The following PDAP1 variants were observed in gnomAD, a reference collection of about 807,000 sequenced individuals.
PDAP1 encodes PDGFA associated protein 1, also known as 28 kDa heat- and acid-stable phosphoprotein.
A neutral mutation model predicts 28.0 loss-of-function variants in PDAP1; 13 were observed. That is an observed-to-expected ratio of 0.46 (90% CI 0.30 to 0.74). The LOEUF is 0.74. Ranked by LOEUF, PDAP1 falls within the 30% of genes least tolerant of loss-of-function variation. The pLI is 0.07. For synonymous variants in PDAP1, 77 were observed against 85.1 expected, an observed-to-expected ratio of 0.91 and a Z score of 0.52; for missense variants, 150 against 230.0, an observed-to-expected ratio of 0.65 and a Z score of 2.25.
intron 1 of PDAP1, among the ~76,000 whole-genome samples, chr7:99,407,493 G>T (rs1384490572): frequency 6.6e-6 from 1 of 152,202 alleles, no homozygotes. Flanking sequence ...GAGTCAGGAA[G>T]CGATTTAGGT....
chr7:99,394,779 TAAAAAA>T lies in PDAP1; in HGVS notation c.*1897_*1902del, dbSNP rs773085531. 1.3e-4 allele frequency: 120 copies of T among 957,978 alleles called. No individual in the cohort carries two copies. The highest frequency in any genetic ancestry group is 1.8e-4 in the East Asian group (3 of 16,540). The allele number at this position is 957,978 out of a possible 1,614,324, so 59.3% of individuals were successfully genotyped here. On this transcript the variant is annotated 3_prime_UTR_variant, in exon 6 of 6. Transcript: ENST00000350498. ...GTGGAGGTAATAAAATGCAACTGTG[TAAAAAA>T]AAAAAAAAAAAAAAAAGTAATTATG...
rs772565215 is a variant in PDAP1, at chr7:99,395,611, T to C, written c.*1071A>G. ...TCTTTTGTGGCTTCTCTCAGGAAAA[T>C]GTGGGCCTTGGCGACATCCAATGCT... On this transcript the variant is annotated 3_prime_UTR_variant, in exon 6 of 6. Coordinates refer to ENST00000350498, the MANE Select transcript of PDAP1 (RefSeq NM_014891.7). 4.6e-5 allele frequency: 7 copies of C among 152,294 alleles called. No individual in the cohort carries two copies. The highest frequency in any genetic ancestry group is 6.5e-5 in the Admixed American group (1 of 15,280). 9.4% of individuals were successfully genotyped at this position (152,294 alleles called of 1,614,324 possible).
In PDAP1 at chr7:99,396,503, TCC is replaced by T. The variant is rs113663373; in HGVS notation, c.*177_*178del. 1,004 of 329,956 alleles carry T rather than the reference TCC, an allele frequency of 3.0e-3. 6 individuals are homozygous for T. Among genetic ancestry groups the T allele is most frequent in the African/African-American group, 0.016 (691 of 43,964 alleles). 20.4% of individuals were successfully genotyped at this position (329,956 alleles called of 1,614,324 possible). A position where few individuals can be genotyped will look rare whatever the true frequency, so the allele number is the denominator to read the frequency against. On this transcript the variant is annotated 3_prime_UTR_variant, in exon 6 of 6. Transcript: ENST00000350498. The stretch of plus-strand genomic sequence containing the variant: ...AAGATAGCAGCTACCCCTCCCCCAG[TCC>T]CCCCCCCCATCCCCCAAACAATTTC...
At chr7:99,398,155 A>AC (rs1794800510) in intron 4 of PDAP1, 142 bp from the exon 5 acceptor site, 5 of 850,268 alleles carry the variant, frequency 5.9e-6, no homozygotes, top group South Asian at 1.5e-5. Context: ...GCCTCCATGA[A>AC]CCCCCTGCTT....
chr7:99,407,598 G>A (rs182430189), intron 1 of PDAP1, among the ~76,000 whole-genome samples: 1 of 152,278 alleles, frequency 6.6e-6, no homozygotes, highest in African/African-American at 2.4e-5. Flanking sequence ...TCTGTGCCAG[G>A]AGGTGGCCAG....
intron 4 of PDAP1, 33 bp downstream of exon 4, chr7:99,400,265 GTATTC>G: frequency 6.2e-7 from 1 of 1,610,772 alleles, no homozygotes; most frequent in Non-Finnish European, 8.5e-7. Context: ...CTGCTGGCCT[GTATTC>G]CCCGTGACAC....
intron 2 of PDAP1, 26 bp downstream of exon 2, chr7:99,404,836 C>A: frequency 6.4e-7 from 1 of 1,572,420 alleles, no homozygotes; most frequent in South Asian, 1.1e-5. Context: ...GGGCCACTGG[C>A]GTGGCCTGGA....
At chr7:99,398,182 G>C (rs1031114611) in intron 4 of PDAP1, among the ~76,000 whole-genome samples, 169 bp from the exon 5 acceptor site, 1 of 152,262 alleles carries the variant, frequency 6.6e-6, no homozygotes, top group Non-Finnish European at 1.5e-5. Flanking sequence ...CGTTCACCAA[G>C]CAAGTGAGCA....
chr7:99,397,916 T>C lies in PDAP1; in HGVS notation c.433A>G (p.Ile145Val). ...QAKADLARLA[I>V]IRKQREEAAR... ...GCCTCCTCCCGCTGTTTCCGGATGA[T>C]GGCCAGCCGGGCCAGGTCAGCCTTG... Residue 145 changes from isoleucine to valine, a missense_variant, in exon 5 of 6, where the codon ATC becomes GTC. Coordinates refer to ENST00000350498, the MANE Select transcript of PDAP1 (RefSeq NM_014891.7). The C allele has an allele frequency of 6.2e-7, 1 of 1,614,064 alleles. No individual in the cohort carries two copies. Among genetic ancestry groups the C allele is most frequent in the Non-Finnish European group, 8.5e-7 (1 of 1,180,032 alleles).
rs869126629 is a variant in PDAP1, at chr7:99,405,359, CTTT to C, written c.14-409_14-407del. Among the ~76,000 whole-genome samples, 648 of 136,996 alleles carry C rather than the reference CTTT, an allele frequency of 4.7e-3. 4 individuals carry two copies. The highest frequency in any genetic ancestry group is 0.016 in the African/African-American group (596 of 36,810). The allele number at this position is 136,996 out of a possible 152,430, so 89.9% of individuals were successfully genotyped here. ...CGATGTTCTGTCACAGCCAGGGGCA[CTTT>C]TTTTTTTTTTTTTTTGAGACGGAGT... is the stretch of plus-strand genomic sequence containing the variant. On this transcript the variant is annotated intron_variant, in intron 1 of 5. Transcript: ENST00000350498.
chr7:99,404,204 G>A (rs1440344603), intron 2 of PDAP1, among the ~76,000 whole-genome samples: 1 of 152,160 alleles, frequency 6.6e-6, no homozygotes, highest in Non-Finnish European at 1.5e-5. Flanking sequence ...GACTCCTGGG[G>A]TACGTCACAG....
intron 3 of PDAP1, among the ~76,000 whole-genome samples, chr7:99,402,826 CTGAGATCG>C (rs1794898035): frequency 6.9e-6 from 1 of 144,262 alleles, no homozygotes; most frequent in East Asian, 2.0e-4. Context: ...TTGCAGTGAG[CTGAGATCG>C]TGCCACTGCA....
At chr7:99,404,305 G>C (rs1007359662) in intron 2 of PDAP1, among the ~76,000 whole-genome samples, 1 of 152,168 alleles carries the variant, frequency 6.6e-6, no homozygotes, top group Non-Finnish European at 1.5e-5. Flanking sequence ...CTGACGATGG[G>C]AATGTATTCT....
intron 4 of PDAP1, among the ~76,000 whole-genome samples, chr7:99,399,426 A>G (rs1794823455): frequency 6.7e-6 from 1 of 150,138 alleles, no homozygotes; most frequent in Non-Finnish European, 1.5e-5. Context: ...AGAAGGAGGG[A>G]GCAACAGGAT....
Position 99,403,167 on chromosome 7 carries a change from C to T in PDAP1, c.213+231G>A. On this transcript the variant is annotated intron_variant, in intron 3 of 5. Coordinates refer to ENST00000350498, the MANE Select transcript of PDAP1 (RefSeq NM_014891.7). The stretch of plus-strand genomic sequence containing the variant: ...TCTCAGTTTATAAGTTGCTTCACCA[C>T]CACAACACTTTTCCAAGTCCCCTCA... 4 of 556,046 alleles carry T rather than the reference C, an allele frequency of 7.2e-6. No homozygotes were observed. The South Asian group carries it at 8.7e-5, about 12-fold the overall frequency. The allele number at this position is 556,046 out of a possible 1,614,324, so 34.4% of individuals were successfully genotyped here.
chr7:99,397,837 C>G, intron 5 of PDAP1, 25 bp downstream of exon 5: 5 of 1,609,298 alleles, frequency 3.1e-6, no homozygotes, highest in Non-Finnish European at 4.2e-6. Context: ...GGGGCCTGTC[C>G]CTGCGTGCGC....
chr7:99,401,358 C>T (rs1186576217), intron 3 of PDAP1, among the ~76,000 whole-genome samples: 1 of 152,130 alleles, frequency 6.6e-6, no homozygotes, highest in Non-Finnish European at 1.5e-5. Flanking sequence ...GACAGAGTTT[C>T]CCTCTTCTTG....
chr7:99,394,930 T>C lies in PDAP1; in HGVS notation c.*1752A>G, dbSNP rs950336462. ...CTTCTGCCTCAGCCTCCCAAGTAGC[T>C]GGGACTCCAGGGAGAGATTGGTGTT... On this transcript the variant is annotated 3_prime_UTR_variant, in exon 6 of 6. Coordinates refer to ENST00000350498, the MANE Select transcript of PDAP1 (RefSeq NM_014891.7). 1.5e-5 allele frequency: 11 copies of C among 756,950 alleles called. No homozygotes were observed. The highest frequency in any genetic ancestry group is 1.9e-5 in the Non-Finnish European group (11 of 570,744). 46.9% of individuals were successfully genotyped at this position (756,950 alleles called of 1,614,324 possible).
rs1794744641 is a variant in PDAP1 at position 99,395,814 on chromosome 7, A to G, written c.*868T>C. The G allele has an allele frequency of 6.6e-6, 1 of 152,440 alleles. No homozygotes were observed. The highest frequency in any genetic ancestry group is 2.4e-5 in the African/African-American group (1 of 41,454). 9.4% of individuals were successfully genotyped at this position (152,440 alleles called of 1,614,324 possible). On this transcript the variant is annotated 3_prime_UTR_variant, in exon 6 of 6. Coordinates refer to ENST00000350498, the MANE Select transcript of PDAP1 (RefSeq NM_014891.7). Reference sequence around the variant, plus strand: ...AGGAGGGGAGGGGGCAGGCTGTGGTATCTAGGGTCCATCCCCGCATCCTGC... The same window carrying G: ...AGGAGGGGAGGGGGCAGGCTGTGGTGTCTAGGGTCCATCCCCGCATCCTGC...
Sources: gnomAD v4.1 joint callset for allele counts (sites outside exome capture counted in the v4.1 genomes callset) on GRCh38, gnomAD v4.1.1 for gene constraint, MANE v1.5 for transcripts, NCBI Gene and HGNC (gene_info 2026-07-23, HGNC 2026-07-21) for gene names.